Variants in FRMD6 observed in about 807,000 individuals in gnomAD.
FRMD6 encodes the protein FERM domain-containing protein 6.
In FRMD6, 37 loss-of-function variants were observed where a neutral mutation model predicts 73.2. The ratio of observed to expected loss-of-function variants is 0.51; its 90% CI spans 0.39 to 0.66. The LOEUF is 0.66. Among genes scored for constraint, FRMD6 ranks in the 30% least tolerant of loss-of-function variants. The pLI is 0.00. For synonymous variants in FRMD6, 273 were observed against 282.2 expected, an observed-to-expected ratio of 0.97 and a Z score of 0.33; for missense variants, 714 against 780.5, an observed-to-expected ratio of 0.91 and a Z score of 1.02.
chr14:51,710,473 C>T (rs1051845377), intron 7 of FRMD6, among the ~76,000 whole-genome samples: 41 of 152,174 alleles, frequency 2.7e-4, no homozygotes, highest in African/African-American at 7.9e-4. Flanking sequence ...TCCTTGAAAG[C>T]GAAATTGACC....
At chr14:51,675,966 G>C in intron 1 of FRMD6, among the ~76,000 whole-genome samples, 1 of 151,984 alleles carries the variant, frequency 6.6e-6, no homozygotes, top group East Asian at 1.9e-4. Context: ...TAAAAGGCAG[G>C]TTTTATTAGC....
chr14:51,657,465 TA>T (rs1392643517), intron 1 of FRMD6, among the ~76,000 whole-genome samples: 1 of 152,234 alleles, frequency 6.6e-6, no homozygotes, highest in Non-Finnish European at 1.5e-5. Flanking sequence ...TTAAATGCAA[TA>T]AAATACACAT....
intron 2 of FRMD6, among the ~76,000 whole-genome samples, chr14:51,594,331 T>TTTATTTA (rs1889586339): frequency 6.7e-6 from 1 of 149,548 alleles, no homozygotes; most frequent in African/African-American, 2.5e-5. Flanking sequence ...TATTTATTTA[T>TTTATTTA]TTATTTATTT....
intron 2 of FRMD6, among the ~76,000 whole-genome samples, chr14:51,642,165 C>T (rs1891841635): frequency 6.6e-6 from 1 of 152,182 alleles, no homozygotes; most frequent in African/African-American, 2.4e-5. Context: ...GTTTTCAGAA[C>T]CTTTCTGAGT....
At chr14:51,663,068 T>C (rs955563946) in intron 1 of FRMD6, among the ~76,000 whole-genome samples, 3 of 152,134 alleles carry the variant, frequency 2.0e-5, no homozygotes, top group African/African-American at 7.2e-5. Flanking sequence ...CACAGCGAGA[T>C]ACCATCTCAC....
chr14:51,483,463 A>G, the FRMD6 span, among the ~76,000 whole-genome samples: 2 of 152,234 alleles, frequency 1.3e-5, no homozygotes, highest in African/African-American at 4.8e-5. Context: ...AGAAGCAGGC[A>G]TGAGAAGCCC....
chr14:51,721,598 C>T (rs932126124), intron 11 of FRMD6, among the ~76,000 whole-genome samples: 3 of 135,614 alleles, frequency 2.2e-5, no homozygotes, highest in Middle Eastern at 3.6e-3. Context: ...AGTGAGACTT[C>T]GTCTCAAAAA....
At chr14:51,428,304 A>G in the FRMD6 span, among the ~76,000 whole-genome samples, 1 of 152,124 alleles carries the variant, frequency 6.6e-6, no homozygotes, top group African/African-American at 2.4e-5. Flanking sequence ...CAGGGCTTGA[A>G]TGAAGGAATT....
chr14:51,507,451 A>C (rs17124040), intron 1 of FRMD6, among the ~76,000 whole-genome samples: 4,386 of 152,294 alleles, frequency 0.029, 98 homozygotes, highest in East Asian at 0.074. Flanking sequence ...CCACTGGAGG[A>C]TATCTGGAAG....
upstream of FRMD6, among the ~76,000 whole-genome samples, chr14:51,647,336 G>A (rs931622203): frequency 1.3e-5 from 2 of 152,166 alleles, no homozygotes; most frequent in South Asian, 2.1e-4. Context: ...AGGGGCTCCC[G>A]GTGTATGGTA....
intron 1 of FRMD6, among the ~76,000 whole-genome samples, chr14:51,689,463 C>T (rs942930616): frequency 3.3e-5 from 5 of 152,302 alleles, no homozygotes; most frequent in Non-Finnish European, 7.4e-5. Flanking sequence ...GTGAGGCTCT[C>T]ATTGGTTATA....
intron 1 of FRMD6, among the ~76,000 whole-genome samples, chr14:51,661,045 T>G (rs1340873310): frequency 6.6e-6 from 1 of 152,176 alleles, no homozygotes; most frequent in Non-Finnish European, 1.5e-5. Flanking sequence ...TGGACTGTAT[T>G]CAGGACTTGA....
intron 1 of FRMD6, among the ~76,000 whole-genome samples, chr14:51,490,919 A>T (rs753237658): frequency 4.6e-5 from 7 of 152,208 alleles, no homozygotes; most frequent in Non-Finnish European, 5.9e-5. Flanking sequence ...GAGCACTGCT[A>T]TGAGATTTGG....
chr14:51,683,370 C>T (rs942450968), intron 1 of FRMD6, among the ~76,000 whole-genome samples: 3 of 152,058 alleles, frequency 2.0e-5, no homozygotes, highest in Non-Finnish European at 2.9e-5. Context: ...GAGCCCATCT[C>T]CTGGGCTCAA....
At chr14:51,433,831 G>C in the FRMD6 span, among the ~76,000 whole-genome samples, 1 of 152,218 alleles carries the variant, frequency 6.6e-6, no homozygotes, top group African/African-American at 2.4e-5. Context: ...CAACCCAGAT[G>C]CTGGGGGAAC....
At chr14:51,678,122 A>G (rs1286132365) in intron 1 of FRMD6, among the ~76,000 whole-genome samples, 1 of 152,168 alleles carries the variant, frequency 6.6e-6, no homozygotes, top group Admixed American at 6.6e-5. Context: ...ATAATACCCT[A>G]TAAAGTATGT....
At chr14:51,710,181 T>C (rs1896865491) in intron 7 of FRMD6, among the ~76,000 whole-genome samples, 2 of 152,168 alleles carry the variant, frequency 1.3e-5, no homozygotes, top group African/African-American at 4.8e-5. Context: ...AGAAAATGAC[T>C]CTTATCTGCT....
At chr14:51,487,020 A>G (rs1452131423), upstream of FRMD6, among the ~76,000 whole-genome samples, 1 of 152,002 alleles carries the variant, frequency 6.6e-6, no homozygotes, top group African/African-American at 2.4e-5. Context: ...CTTGTTGGAA[A>G]TGCAAATGCT....
In FRMD6 at chr14:51,727,821, A is replaced by G. The variant is rs751198245; in HGVS notation, c.1661A>G (p.Asp554Gly). 7 of 1,614,106 alleles carry G rather than the reference A, an allele frequency of 4.3e-6. No homozygotes were observed. Among genetic ancestry groups the G allele is most frequent in the Non-Finnish European group, 5.1e-6 (6 of 1,179,946 alleles). Residue 554 changes from aspartate to glycine, a missense_variant, in exon 14 of 14, where the codon GAC (aspartate) becomes GGC (glycine). Transcript: ENST00000344768. ...SLDDIRLYQK[D>G]FLRIAGLCQD... ...GATGACATCAGACTTTACCAGAAAG[A>G]CTTCCTGCGCATTGCAGGTCTGTGT...
Sources: gnomAD v4.1 joint callset for allele counts (sites outside exome capture counted in the v4.1 genomes callset) on GRCh38, gnomAD v4.1.1 for gene constraint, MANE v1.5 for transcripts, NCBI Gene and HGNC (gene_info 2026-07-23, HGNC 2026-07-21) for gene names.